The following WRN variants were observed in gnomAD, a reference collection of about 807,000 sequenced individuals.
The protein encoded by WRN is WRN RecQ like helicase, also known as bifunctional 3'-5' exonuclease/ATP-dependent helicase WRN.
WRN carries 149 observed loss-of-function variants against 180.7 expected under a neutral mutation model. That is an observed-to-expected ratio of 0.82 (90% CI 0.72 to 0.94). The LOEUF is 0.94. Ranked by LOEUF, WRN falls within the 40% of genes least tolerant of loss-of-function variation. The pLI is 0.00. For synonymous variants in WRN, 548 were observed against 568.9 expected, an observed-to-expected ratio of 0.96 and a Z score of 0.52; for missense variants, 1,661 against 1,700.1, an observed-to-expected ratio of 0.98 and a Z score of 0.40.
At chr8:31,148,134 G>A (rs1027196290) in intron 30 of WRN, among the ~76,000 whole-genome samples, 1 of 152,000 alleles carries the variant, frequency 6.6e-6, no homozygotes, top group East Asian at 1.9e-4. Context: ...CAATCTTCCC[G>A]CCTCAGTCTC....
intron 23 of WRN, among the ~76,000 whole-genome samples, chr8:31,127,547 C>T (rs1325258346): frequency 1.6e-4 from 1 of 6,062 alleles, no homozygotes; most frequent in Admixed American, 5.7e-3. Flanking sequence ...ATGACAAATA[C>T]TTCTTCACTA....
intron 33 of WRN, among the ~76,000 whole-genome samples, chr8:31,160,048 A>C (rs925315201): frequency 6.6e-6 from 1 of 152,166 alleles, no homozygotes; most frequent in Non-Finnish European, 1.5e-5. Context: ...TTAATTACAC[A>C]ATAAGGGTAA....
At chr8:31,099,641 T>C (rs1268304832) in intron 17 of WRN, among the ~76,000 whole-genome samples, 2 of 151,610 alleles carry the variant, frequency 1.3e-5, no homozygotes, top group African/African-American at 4.9e-5. Context: ...TGAATTGTAA[T>C]TGTTTATTTG....
At chr8:31,153,636 C>T (rs889187179) in intron 31 of WRN, among the ~76,000 whole-genome samples, 3 of 152,094 alleles carry the variant, frequency 2.0e-5, no homozygotes, top group African/African-American at 7.2e-5. Context: ...ATTTGGCAAG[C>T]ACATTTTATT....
At chr8:31,139,683 A>G (rs1473962284) in intron 24 of WRN, among the ~76,000 whole-genome samples, 1 of 152,230 alleles carries the variant, frequency 6.6e-6, no homozygotes, top group Non-Finnish European at 1.5e-5. Context: ...TACGAAGCTC[A>G]TCATTGTATG....
chr8:31,112,589 C>T (rs949606732), intron 19 of WRN, among the ~76,000 whole-genome samples: 1 of 151,480 alleles, frequency 6.6e-6, no homozygotes, highest in African/African-American at 2.4e-5. Context: ...TTTTATAAGC[C>T]TTTATTTTAC....
chr8:31,157,245 A>G, intron 32 of WRN, 123 bp from the exon 33 acceptor site: 1 of 1,374,524 alleles, frequency 7.3e-7, no homozygotes, highest in Non-Finnish European at 1.0e-6. Context: ...ACTTAAGTAA[A>G]GGTTTAGTTC....
intron 19 of WRN, among the ~76,000 whole-genome samples, chr8:31,113,760 A>T (rs1254815645): frequency 6.6e-6 from 1 of 152,024 alleles, no homozygotes; most frequent in Non-Finnish European, 1.5e-5. Flanking sequence ...TCTGTTTTTC[A>T]TGTTGACTCT....
chr8:31,129,841 C>T (rs1348272029), intron 23 of WRN, among the ~76,000 whole-genome samples: 1 of 151,762 alleles, frequency 6.6e-6, no homozygotes, highest in Non-Finnish European at 1.5e-5. Flanking sequence ...CCCGTCTCTA[C>T]TAAAAATACA....
intron 6 of WRN, 103 bp from the exon 7 acceptor site, chr8:31,068,155 G>A: frequency 1.3e-6 from 1 of 797,834 alleles, no homozygotes. Flanking sequence ...TCCATGTTTG[G>A]GTGCTTTGTG....
rs1206482667 is a variant in WRN at position 31,076,360 on chromosome 8, G to A, written c.839+73G>A. 3.9e-6 allele frequency: 5 copies of A among 1,269,272 alleles called. No individual in the cohort carries two copies. The African/African-American group carries it at 6.0e-5, about 15-fold the overall frequency. 78.6% of individuals were successfully genotyped at this position (1,269,272 alleles called of 1,614,324 possible). On this transcript the variant is annotated intron_variant, in intron 8 of 34. Transcript: ENST00000298139. ...TTTTTTATCACATTTTCCTATATGT[G>A]AAGAATACTATTCATTAAGGCTGAC...
At chr8:31,117,668 C>T (rs917320908) in intron 20 of WRN, among the ~76,000 whole-genome samples, 27 of 152,144 alleles carry the variant, frequency 1.8e-4, no homozygotes, top group African/African-American at 6.0e-4. Context: ...TCTGTCCCAC[C>T]GGTCATCCAT....
At chr8:31,150,309 TTTGTTG>T (rs560446016) in intron 30 of WRN, 26 bp from the exon 31 acceptor site, 48 of 1,508,804 alleles carry the variant, frequency 3.2e-5, no homozygotes, top group South Asian at 7.9e-5. Context: ...TCTTGACCTT[TTTGTTG>T]TTGTTGTTGT....
At chr8:31,109,519 G>A (rs1801223735) in intron 18 of WRN, among the ~76,000 whole-genome samples, 1 of 152,096 alleles carries the variant, frequency 6.6e-6, no homozygotes, top group African/African-American at 2.4e-5. Context: ...TGAAAAAACT[G>A]AGCCCTTGCA....
At chr8:31,115,314 A>C (rs1297675325) in intron 19 of WRN, among the ~76,000 whole-genome samples, 1 of 152,248 alleles carries the variant, frequency 6.6e-6, no homozygotes, top group Non-Finnish European at 1.5e-5. Context: ...ATTTGAACAG[A>C]TTATTCAGTA....
chr8:31,130,016 AAAACAAAAC>A (rs1563369202), intron 23 of WRN, among the ~76,000 whole-genome samples: 4 of 62,356 alleles, frequency 6.4e-5, no homozygotes, highest in South Asian at 4.3e-4. Flanking sequence ...AAAAAAAAAC[AAAACAAAAC>A]AAAAAAAAAA....
intron 30 of WRN, among the ~76,000 whole-genome samples, chr8:31,147,712 A>T (rs1211528839): frequency 6.6e-6 from 1 of 151,928 alleles, no homozygotes; most frequent in Non-Finnish European, 1.5e-5. Flanking sequence ...CTAACTCATT[A>T]TTTACCCACC....
At chr8:31,122,129 TAAC>T (rs1361353829) in intron 21 of WRN, among the ~76,000 whole-genome samples, 2 of 151,990 alleles carry the variant, frequency 1.3e-5, no homozygotes, top group African/African-American at 4.8e-5. Flanking sequence ...TAACAGGAAA[TAAC>T]AGTGATTCAA....
At position 31,060,803 on chromosome 8, in the gene WRN, G is replaced by C. The variant is rs368087753; in HGVS notation, c.209+1538G>C. Among the ~76,000 whole-genome samples the C allele has an allele frequency of 2.0e-5, 3 of 152,180 alleles. No individual in the cohort carries two copies. In the East Asian group the frequency reaches 5.8e-4, roughly 29 times the overall value. On this transcript the variant is annotated intron_variant, in intron 3 of 34. Transcript: ENST00000298139. ...TGAAGGCAATTAGCACAAGTGACTT[G>C]AAGAATTGTAGTTTTGATGACTTAT...
Sources: allele counts gnomAD v4.1 joint callset (sites outside exome capture counted in the v4.1 genomes callset), GRCh38; gene constraint gnomAD v4.1.1; transcripts MANE v1.5; gene names NCBI Gene and HGNC (gene_info 2026-07-23, HGNC 2026-07-21).